STOX1: variants seen among roughly 807,000 people sequenced by gnomAD.
The protein encoded by STOX1 is storkhead-box protein 1.
Under a neutral mutation model 74.8 loss-of-function variants are expected in STOX1, and 57 were observed. The observed-to-expected ratio is 0.76, with a 90% CI of 0.62 to 0.95. STOX1 has a LOEUF of 0.95. Ranked by LOEUF, STOX1 falls within the 40% of genes least tolerant of loss-of-function variation. The pLI is 0.00. For synonymous variants in STOX1, 375 were observed against 401.3 expected (o/e 0.93, Z 0.78); for missense variants, 1,010 against 1,117.0 (o/e 0.90, Z 1.37).
At chr10:68,829,821 G>T (rs915492289) in intron 1 of STOX1, among the ~76,000 whole-genome samples, 10 of 152,146 alleles carry the variant, frequency 6.6e-5, no homozygotes, top group Non-Finnish European at 1.0e-4. Flanking sequence ...TAGGTTTCTG[G>T]CTCTGAGAGC....
rs891831755 is a variant in STOX1, at chr10:68,862,214, G to A, written c.311-19744G>A. 1.1e-4 allele frequency among the ~76,000 whole-genome samples: 17 copies of A among 152,100 alleles called. 1 individual carries two copies. Among genetic ancestry groups the A allele is most frequent in the South Asian group, 1.0e-3 (5 of 4,802 alleles). ...AAGATTAAAGTAGCAATGAAACACC[G>A]AGAGTGTCTCAGAATTTTCTGAAGA... On this transcript the variant is annotated intron_variant, in intron 1 of 3. Transcript: ENST00000298596.
At chr10:68,872,559 C>G (rs1840562774) in intron 1 of STOX1, among the ~76,000 whole-genome samples, 2 of 152,036 alleles carry the variant, frequency 1.3e-5, no homozygotes, top group Admixed American at 1.3e-4. Flanking sequence ...GTTGGCCAGG[C>G]TGGTCTCGAA....
chr10:68,885,429 G>A lies in STOX1; in HGVS notation c.1633G>A (p.Gly545Ser), dbSNP rs1840920453. ...RSLDSSRIFD[G>S]KAKEPYAEQP... ...CTTGGATTCCTCAAGAATCTTTGAT[G>A]GTAAAGCCAAAGAGCCATATGCTGA... is the stretch of plus-strand genomic sequence containing the variant. Residue 545 changes from glycine (G) to serine (S), a missense_variant, in exon 3 of 4, where the codon GGT becomes AGT. By Grantham distance (56) the Gly-to-Ser change is moderately conservative (BLOSUM62 0). Coordinates refer to ENST00000298596, the MANE Select transcript of STOX1 (RefSeq NM_152709.5). The A allele has an allele frequency of 6.2e-7, 1 of 1,614,114 alleles. No individual in the cohort carries two copies. Among genetic ancestry groups the A allele is most frequent in the Non-Finnish European group, 8.5e-7 (1 of 1,180,022 alleles).
At chr10:68,853,172 G>A (rs756167037) in intron 1 of STOX1, among the ~76,000 whole-genome samples, 2 of 152,064 alleles carry the variant, frequency 1.3e-5, no homozygotes, top group Admixed American at 1.3e-4. Context: ...TGATCCACCC[G>A]CCTCGGCCTC....
rs114279800 is a variant in STOX1 at position 68,854,791 on chromosome 10, C to T, written c.310+26858C>T. The stretch of plus-strand genomic sequence containing the variant: ...TGACCCCAGAGGGCACACATGGCAC[C>T]CCTGGTAACAAAGAGTTTACAGTTG... On this transcript the variant is annotated intron_variant, in intron 1 of 3. Coordinates refer to ENST00000298596, the MANE Select transcript of STOX1 (RefSeq NM_152709.5). Among the ~76,000 whole-genome samples the T allele has an allele frequency of 6.7e-3, 1,024 of 152,184 alleles. 18 individuals are homozygous for T. The highest frequency in any genetic ancestry group is 0.024 in the African/African-American group (976 of 41,456).
chr10:68,894,065 CTT>C (rs757109078), downstream of STOX1, among the ~76,000 whole-genome samples: 2 of 143,260 alleles, frequency 1.4e-5, no homozygotes. Flanking sequence ...CTTTTCTTTT[CTT>C]TTTTTTTTTT....
At chr10:68,860,853 G>C (rs1840249755) in intron 1 of STOX1, among the ~76,000 whole-genome samples, 1 of 152,044 alleles carries the variant, frequency 6.6e-6, no homozygotes, top group Non-Finnish European at 1.5e-5. Flanking sequence ...CTTCTTCTTA[G>C]GTGAGGAGAA....
In STOX1 at chr10:68,888,187, G is replaced by A. The variant is rs561503212; in HGVS notation, c.2822+1569G>A. Among the ~76,000 whole-genome samples, 8 of 152,072 alleles carry A rather than the reference G, an allele frequency of 5.3e-5. No homozygotes were observed. The East Asian group carries it at 1.6e-3, about 29-fold the overall frequency. ...GTGGTCTCAGCTGACTGCAACCTCC[G>A]CCTCCTGGGTTCAAGCAATTCTCCT... On this transcript the variant is annotated intron_variant, in intron 3 of 3. Transcript: ENST00000298596.
intron 1 of STOX1, among the ~76,000 whole-genome samples, chr10:68,862,997 C>T (rs1415252037): frequency 6.6e-6 from 1 of 152,062 alleles, no homozygotes; most frequent in Non-Finnish European, 1.5e-5. Flanking sequence ...GTGATATGTC[C>T]AGGCATTATT....
At chr10:68,878,710 C>A (rs1245951257) in intron 1 of STOX1, among the ~76,000 whole-genome samples, 1 of 152,178 alleles carries the variant, frequency 6.6e-6, no homozygotes, top group African/African-American at 2.4e-5. Flanking sequence ...CATGCAGATA[C>A]AATAAGAATA....
chr10:68,866,616 C>T (rs1183359214), intron 1 of STOX1, among the ~76,000 whole-genome samples: 3 of 152,232 alleles, frequency 2.0e-5, no homozygotes, highest in African/African-American at 7.2e-5. Flanking sequence ...GTCAATCACT[C>T]CTGTATGAAC....
At chr10:68,893,171 C>T, downstream of STOX1, 1 of 176,038 alleles carries the variant, frequency 5.7e-6, no homozygotes, top group South Asian at 1.2e-4. Context: ...GAAGCAGTGT[C>T]TGTTGCAAGA....
intron 3 of STOX1, among the ~76,000 whole-genome samples, chr10:68,888,776 C>T (rs541674779): frequency 3.8e-4 from 52 of 135,966 alleles, no homozygotes; most frequent in Admixed American, 1.1e-3. Flanking sequence ...CCTGGGACTA[C>T]AGGCATATGT....
chr10:68,850,243 C>G (rs1282584172), intron 1 of STOX1, among the ~76,000 whole-genome samples: 2 of 152,210 alleles, frequency 1.3e-5, no homozygotes, highest in African/African-American at 4.8e-5. Flanking sequence ...CTCCTGACCT[C>G]ATGATCTGCC....
chr10:68,874,211 C>T (rs1279823124), intron 1 of STOX1, among the ~76,000 whole-genome samples: 1 of 151,810 alleles, frequency 6.6e-6, no homozygotes, highest in Non-Finnish European at 1.5e-5. Flanking sequence ...AACGTATGTC[C>T]CTGAGTTGTC....
intron 1 of STOX1, among the ~76,000 whole-genome samples, chr10:68,861,064 C>T (rs374228394): frequency 5.9e-5 from 9 of 151,982 alleles, no homozygotes; most frequent in East Asian, 5.8e-4. Flanking sequence ...CAAAATTAGC[C>T]GGGCATGATG....
At chr10:68,865,708 T>C (rs1265116363) in intron 1 of STOX1, among the ~76,000 whole-genome samples, 8 of 152,210 alleles carry the variant, frequency 5.3e-5, no homozygotes, top group Non-Finnish European at 8.8e-5. Context: ...AAGGCAGTCC[T>C]GGCTGTAATG....
At chr10:68,832,529 C>G (rs1026055909) in intron 1 of STOX1, among the ~76,000 whole-genome samples, 18 of 151,964 alleles carry the variant, frequency 1.2e-4, no homozygotes, top group Admixed American at 1.2e-3. Context: ...AAAAATTAGC[C>G]CGGCATGGTG....
chr10:68,881,457 G>A (rs1840811508), intron 1 of STOX1, among the ~76,000 whole-genome samples: 1 of 152,192 alleles, frequency 6.6e-6, no homozygotes, highest in African/African-American at 2.4e-5. Flanking sequence ...GTGGAATGGT[G>A]AAAATACTGG....
Sources: allele counts gnomAD v4.1 joint callset (sites outside exome capture counted in the v4.1 genomes callset), GRCh38; gene constraint gnomAD v4.1.1; transcripts MANE v1.5; gene names NCBI Gene and HGNC (gene_info 2026-07-23, HGNC 2026-07-21).